The following PSD3 variants were observed in gnomAD, a reference collection of about 807,000 sequenced individuals.
The protein encoded by PSD3 is PH and SEC7 domain-containing protein 3.
A neutral mutation model predicts 105.5 loss-of-function variants in PSD3; 49 were observed. The ratio of observed to expected loss-of-function variants is 0.46; its 90% confidence interval spans 0.37 to 0.59. The LOEUF (loss-of-function observed/expected upper bound fraction) is 0.59, where lower values mean the gene tolerates loss of function less well. PSD3 is among the 20% of genes least tolerant of loss of function. The probability of loss-of-function intolerance (pLI) is 0.00; values close to 1 mark genes in which losing one functional copy is unlikely to be tolerated. For missense variants in PSD3, 1,561 were observed against 1,263.8 expected (o/e 1.24, Z -3.57); for synonymous variants, 557 against 457.8 (o/e 1.22, Z -2.77).
intron 14 of PSD3, among the ~76,000 whole-genome samples, chr8:18,568,442 A>T (rs1221926512): frequency 1.3e-5 from 2 of 152,100 alleles, no homozygotes; most frequent in Non-Finnish European, 2.9e-5. Context: ...GGAGTCTAAG[A>T]AGCAAGGGGG....
chr8:18,719,420 AC>A (rs1212987372), intron 9 of PSD3, among the ~76,000 whole-genome samples: 3 of 152,172 alleles, frequency 2.0e-5, no homozygotes, highest in African/African-American at 7.2e-5. Context: ...CACATACACA[AC>A]CCTGGCAGAA....
At chr8:18,799,428 G>T in intron 7 of PSD3, 75 bp from the exon 8 acceptor site, 1 of 1,146,866 alleles carries the variant, frequency 8.7e-7, no homozygotes, top group East Asian at 2.4e-5. Context: ...TCACTAATAG[G>T]ATACACTCAG....
At chr8:18,641,962 C>T (rs1179882682) in intron 10 of PSD3, among the ~76,000 whole-genome samples, 2 of 152,112 alleles carry the variant, frequency 1.3e-5, no homozygotes, top group Non-Finnish European at 2.9e-5. Flanking sequence ...ATATGAATTG[C>T]ATTCTATTCT....
intron 10 of PSD3, among the ~76,000 whole-genome samples, chr8:18,633,238 A>G (rs1250611062): frequency 1.3e-5 from 2 of 152,082 alleles, no homozygotes; most frequent in Non-Finnish European, 2.9e-5. Flanking sequence ...CTAGCATAGA[A>G]CTAGGTGTAC....
At chr8:18,800,343 C>T (rs1810571012) in intron 7 of PSD3, among the ~76,000 whole-genome samples, 1 of 152,132 alleles carries the variant, frequency 6.6e-6, no homozygotes, top group Non-Finnish European at 1.5e-5. Context: ...AGGAATGTGA[C>T]CTTAATCAGG....
chr8:18,716,105 C>T (rs972747245), intron 9 of PSD3, among the ~76,000 whole-genome samples: 39 of 152,120 alleles, frequency 2.6e-4, no homozygotes, highest in African/African-American at 9.4e-4. Flanking sequence ...TTGGTCAGGC[C>T]ATGAGTGCAG....
chr8:18,892,653 C>G (rs1163041740), intron 2 of PSD3, among the ~76,000 whole-genome samples: 1 of 148,098 alleles, frequency 6.8e-6, no homozygotes. Context: ...GAGACAGGGC[C>G]TCACTCTGTC....
At chr8:18,642,761 C>A (rs1049411592) in intron 10 of PSD3, among the ~76,000 whole-genome samples, 2 of 152,006 alleles carry the variant, frequency 1.3e-5, no homozygotes, top group Admixed American at 1.3e-4. Flanking sequence ...ACAATAAAAC[C>A]CTTAAAATTT....
intron 9 of PSD3, among the ~76,000 whole-genome samples, chr8:18,751,984 T>G: frequency 6.9e-6 from 1 of 145,306 alleles, no homozygotes; most frequent in African/African-American, 2.7e-5. Context: ...AGACCAGCCT[T>G]GCCAACATGG....
intron 1 of PSD3, among the ~76,000 whole-genome samples, chr8:19,033,480 T>C (rs1250873745): frequency 6.6e-6 from 1 of 152,162 alleles, no homozygotes; most frequent in Non-Finnish European, 1.5e-5. Flanking sequence ...ACTATGTAGA[T>C]GTAATGTGAA....
chr8:18,712,935 C>G (rs552758221), intron 9 of PSD3, among the ~76,000 whole-genome samples: 1 of 152,256 alleles, frequency 6.6e-6, no homozygotes, highest in African/African-American at 2.4e-5. Flanking sequence ...ACTTATCCAC[C>G]ATGATGAAGT....
chr8:18,561,056 T>C (rs1392907977), intron 14 of PSD3, among the ~76,000 whole-genome samples: 3 of 152,144 alleles, frequency 2.0e-5, no homozygotes, highest in African/African-American at 4.8e-5. Flanking sequence ...AAAAATGGAA[T>C]TACCAAATAA....
intron 9 of PSD3, among the ~76,000 whole-genome samples, chr8:18,764,903 G>C (rs73199973): frequency 1.3e-5 from 2 of 152,050 alleles, no homozygotes; most frequent in South Asian, 2.1e-4. Flanking sequence ...TTCCAAAGTT[G>C]ATTTTGTTGT....
intron 2 of PSD3, among the ~76,000 whole-genome samples, chr8:18,897,814 G>C (rs948846866): frequency 3.9e-5 from 6 of 151,990 alleles, no homozygotes; most frequent in African/African-American, 1.4e-4. Context: ...TTTGAATGTT[G>C]GTATATAGAA....
At chr8:18,667,670 G>C (rs751130609) in intron 9 of PSD3, among the ~76,000 whole-genome samples, 3 of 152,216 alleles carry the variant, frequency 2.0e-5, no homozygotes, top group East Asian at 3.9e-4. Flanking sequence ...CAGTCCCGCC[G>C]TGTGCCTGCA....
chr8:18,600,340 A>G lies in PSD3; in HGVS notation c.2481+24T>C, dbSNP rs2130569112. On this transcript the variant is annotated intron_variant, in intron 12 of 15. Transcript: ENST00000327040. ...GTAATTATTTCATCGAGTTTTGTGG[A>G]TTTTTTATCTGCTTTACTTTTACCT... The G allele has an allele frequency of 2.5e-6, 4 of 1,591,700 alleles. No individual in the cohort carries two copies. The East Asian group carries it at 9.0e-5, about 36-fold the overall frequency.
intron 1 of PSD3, among the ~76,000 whole-genome samples, chr8:18,962,526 C>T (rs1336740102): frequency 1.3e-5 from 2 of 152,128 alleles, no homozygotes; most frequent in African/African-American, 2.4e-5. Flanking sequence ...AACTATATTG[C>T]TAATGCAGCT....
At chr8:19,055,542 C>T (rs142898037) in intron 1 of PSD3, among the ~76,000 whole-genome samples, 1 of 152,208 alleles carries the variant, frequency 6.6e-6, no homozygotes, top group Non-Finnish European at 1.5e-5. Context: ...CGTGAGCCAC[C>T]GTGCCCGGCC....
At chr8:18,748,351 G>C (rs1274562012) in intron 9 of PSD3, among the ~76,000 whole-genome samples, 1 of 152,152 alleles carries the variant, frequency 6.6e-6, no homozygotes, top group East Asian at 1.9e-4. Flanking sequence ...GGAAGTGGTA[G>C]AGAGTAACGC....
Sources: allele counts gnomAD v4.1 joint callset (sites outside exome capture counted in the v4.1 genomes callset), GRCh38; gene constraint gnomAD v4.1.1; transcripts MANE v1.5; gene names NCBI Gene and HGNC (gene_info 2026-07-23, HGNC 2026-07-21).